Variants in CPT1A observed in about 807,000 individuals in gnomAD.
CPT1A encodes the protein carnitine O-palmitoyltransferase 1, liver isoform.
In CPT1A, 64 loss-of-function variants were observed where a neutral mutation model predicts 100.8. That is an observed-to-expected ratio of 0.63 (90% CI 0.52 to 0.78). CPT1A has a LOEUF of 0.78. Among genes scored for constraint, CPT1A ranks in the 30% least tolerant of loss-of-function variants. The probability of loss-of-function intolerance (pLI) is 0.00; values close to 1 mark genes in which losing one functional copy is unlikely to be tolerated. For missense variants in CPT1A, 802 were observed against 1,034.1 expected, an observed-to-expected ratio of 0.78 and a Z score of 3.08; for synonymous variants, 363 against 396.0, an observed-to-expected ratio of 0.92 and a Z score of 0.99.
In CPT1A at chr11:68,763,283, CA is replaced by C. The variant is rs1298917186; in HGVS notation, c.1741-523del. ...TTCTAGGTTAACCAGGTTTCTGTTT[CA>C]AGATGCAACTGATACTATGACACCC... On this transcript the variant is annotated intron_variant, in intron 14 of 18. Transcript: ENST00000265641. Among the ~76,000 whole-genome samples, 4 of 152,188 alleles carry C rather than the reference CA, an allele frequency of 2.6e-5. No homozygotes were observed. In the East Asian group the frequency reaches 5.8e-4, roughly 22 times the overall value.
At chr11:68,762,037 G>C (rs1854642673) in intron 15 of CPT1A, among the ~76,000 whole-genome samples, 2 of 152,246 alleles carry the variant, frequency 1.3e-5, no homozygotes, top group Non-Finnish European at 2.9e-5. Context: ...GCTGGAGTCA[G>C]GCGGACCCAG....
intron 1 of CPT1A, among the ~76,000 whole-genome samples, chr11:68,817,077 C>T (rs1459452495): frequency 1.9e-4 from 10 of 54,026 alleles, no homozygotes; most frequent in Admixed American, 2.7e-4. Flanking sequence ...TGTGTGGGTG[C>T]GTGTGTGTGG....
At chr11:68,810,750 C>T (rs1435224559) in intron 3 of CPT1A, among the ~76,000 whole-genome samples, 4 of 152,034 alleles carry the variant, frequency 2.6e-5, no homozygotes, top group South Asian at 4.2e-4. Flanking sequence ...TTTGGGAGGC[C>T]GAGGCGAGTG....
rs185511137 is a variant in CPT1A at position 68,761,768 on chromosome 11, G to A, written c.1876-81C>T. ...CGGATCTAAGTTAGCCACCGCACCC[G>A]GCTAATATTTTTTGTTATTTTTAGT... On this transcript the variant is annotated intron_variant, in intron 15 of 18. Coordinates refer to ENST00000265641, the MANE Select transcript of CPT1A (RefSeq NM_001876.4). The A allele has an allele frequency of 5.5e-5, 83 of 1,518,596 alleles. No homozygotes were observed. The East Asian group carries it at 1.3e-3, about 23-fold the overall frequency. 94.1% of individuals were successfully genotyped at this position (1,518,596 alleles called of 1,614,324 possible). A position where few individuals can be genotyped will look rare whatever the true frequency, so the allele number is the denominator to read the frequency against.
chr11:68,782,929 G>A (rs967462760), intron 10 of CPT1A, among the ~76,000 whole-genome samples: 16 of 152,140 alleles, frequency 1.1e-4, no homozygotes, highest in African/African-American at 3.6e-4. Flanking sequence ...CATCGGGACC[G>A]AGGCGCCTAC....
chr11:68,816,604 C>A (rs1045173109), intron 1 of CPT1A, among the ~76,000 whole-genome samples: 2 of 152,210 alleles, frequency 1.3e-5, no homozygotes, highest in Non-Finnish European at 2.9e-5. Context: ...CCACCCCCAT[C>A]CCCTCCTGGA....
chr11:68,785,566 A>G (rs1453990670), intron 9 of CPT1A, among the ~76,000 whole-genome samples: 1 of 148,896 alleles, frequency 6.7e-6, no homozygotes, highest in Admixed American at 6.8e-5. Context: ...ATCTCAGGAA[A>G]AAAAAAAAAA....
At chr11:68,807,431 TC>T (rs781445731) in intron 4 of CPT1A, 35 bp downstream of exon 4, 3 of 1,603,410 alleles carry the variant, frequency 1.9e-6, no homozygotes, top group East Asian at 4.5e-5. Context: ...GCCCAAACTG[TC>T]CACCCCCTCC....
Position 68,757,496 on chromosome 11 carries a change from G to GA in CPT1A, c.*147dup, listed in dbSNP as rs369823986. The GA allele has an allele frequency of 1.9e-3, 2,919 of 1,499,338 alleles. 4 individuals carry two copies. Among genetic ancestry groups the GA allele is most frequent in the African/African-American group, 4.1e-3 (289 of 71,166 alleles). The allele number at this position is 1,499,338 out of a possible 1,614,324, so 92.9% of individuals were successfully genotyped here. On this transcript the variant is annotated 3_prime_UTR_variant, in exon 19 of 19. Transcript: ENST00000265641. ...TCACAGGGGAGAGATACTGTTCTAG[G>GA]AAAAAAAAACACCCACATTTTCTGG... is the stretch of plus-strand genomic sequence containing the variant.
chr11:68,759,625 C>T lies in CPT1A; in HGVS notation c.2179G>A (p.Val727Met). The change falls in exon 18 of 19, where the codon GTG becomes ATG. Residue 727 changes from valine (V) to methionine (M), a missense_variant. Coordinates refer to ENST00000265641, the MANE Select transcript of CPT1A (RefSeq NM_001876.4). ...TGGAAATTGATGAGGTTCTCTCCCA[C>T]AAGGATGTACGACACACCATAGCCG... is the stretch of plus-strand genomic sequence containing the variant. ...DDGYGVSYIL[V>M]GENLINFHIS... is the part of the protein sequence containing the mutation. 1 of 1,613,906 alleles carries T rather than the reference C, an allele frequency of 6.2e-7. No individual in the cohort carries two copies. The highest frequency in any genetic ancestry group is 8.5e-7 in the Non-Finnish European group (1 of 1,179,836).
intron 14 of CPT1A, among the ~76,000 whole-genome samples, chr11:68,763,502 T>C (rs1011477553): frequency 6.7e-6 from 1 of 149,802 alleles, no homozygotes; most frequent in African/African-American, 2.4e-5. Flanking sequence ...GAGACTGTGC[T>C]GGGGTGCAGG....
At chr11:68,796,651 G>A (rs1360109554) in intron 7 of CPT1A, among the ~76,000 whole-genome samples, 1 of 152,210 alleles carries the variant, frequency 6.6e-6, no homozygotes. Context: ...AAATCCCCCT[G>A]CAGTAGCAGA....
chr11:68,788,489 C>T (rs1483055196), intron 9 of CPT1A, among the ~76,000 whole-genome samples: 1 of 151,822 alleles, frequency 6.6e-6, no homozygotes, highest in Non-Finnish European at 1.5e-5. Flanking sequence ...ATCCCAGCTA[C>T]TAGGGAGGCT....
At chr11:68,767,765 GCA>G (rs1854850330) in intron 14 of CPT1A, among the ~76,000 whole-genome samples, 2 of 152,138 alleles carry the variant, frequency 1.3e-5, no homozygotes, top group Non-Finnish European at 1.5e-5. Flanking sequence ...TTGTTCCCAA[GCA>G]CAGAGTGACG....
Position 68,793,301 on chromosome 11 carries a change from G to A in CPT1A, c.967+14C>T. 1 of 1,600,826 alleles carries A rather than the reference G, an allele frequency of 6.2e-7. No homozygotes were observed. Among genetic ancestry groups the A allele is most frequent in the Non-Finnish European group, 8.5e-7 (1 of 1,171,092 alleles). Reference sequence around the variant, plus strand: ...TGCCGATTCTCCAGGGGGCCCTGAAGAAGCTTGACTCACCTGTCTCCTCTC... The same window carrying A: ...TGCCGATTCTCCAGGGGGCCCTGAAAAAGCTTGACTCACCTGTCTCCTCTC... On this transcript the variant is annotated intron_variant, in intron 9 of 18. Coordinates refer to ENST00000265641, the MANE Select transcript of CPT1A (RefSeq NM_001876.4).
At chr11:68,802,252 T>C (rs1205036414) in intron 5 of CPT1A, among the ~76,000 whole-genome samples, 2 of 150,044 alleles carry the variant, frequency 1.3e-5, no homozygotes, top group African/African-American at 5.1e-5. Context: ...CACTTGAAAA[T>C]GGTTAACAGT....
At chr11:68,776,900 T>A (rs1855156246) in intron 12 of CPT1A, among the ~76,000 whole-genome samples, 1 of 152,168 alleles carries the variant, frequency 6.6e-6, no homozygotes, top group Admixed American at 6.5e-5. Flanking sequence ...TAAGTTTTTT[T>A]AAAAGAGGAA....
At chr11:68,802,979 C>T (rs1031575447) in intron 5 of CPT1A, among the ~76,000 whole-genome samples, 1 of 151,608 alleles carries the variant, frequency 6.6e-6, no homozygotes, top group African/African-American at 2.4e-5. Context: ...CTAGGTAGTG[C>T]CTTGCCCCTG....
intron 13 of CPT1A, chr11:68,773,936 A>G: frequency 4.7e-6 from 1 of 214,282 alleles, no homozygotes; most frequent in Non-Finnish European, 9.5e-6. Context: ...CAAGGGCAGA[A>G]CACCTCAAGT....
Sources: allele counts gnomAD v4.1 joint callset (sites outside exome capture counted in the v4.1 genomes callset), GRCh38; gene constraint gnomAD v4.1.1; transcripts MANE v1.5; gene names NCBI Gene and HGNC (gene_info 2026-07-23, HGNC 2026-07-21).